NIBAN1: variants seen among roughly 807,000 people sequenced by gnomAD.
NIBAN1 encodes the protein niban apoptosis regulator 1.
Under a neutral mutation model 75.1 loss-of-function variants are expected in NIBAN1, and 81 were observed. The observed-to-expected ratio is 1.08, with a 90% CI of 0.90 to 1.30. The LOEUF (loss-of-function observed/expected upper bound fraction) is 1.30. Among genes scored for constraint, NIBAN1 ranks in the 50% most tolerant of loss-of-function variants. The pLI, the probability that NIBAN1 is intolerant of heterozygous loss-of-function variation, is 0.00. For missense variants in NIBAN1, 1,133 were observed against 1,128.1 expected (o/e 1.00, Z -0.06); for synonymous variants, 436 against 424.8 (o/e 1.03, Z -0.32).
chr1:184,840,444 G>T (rs1307315445), intron 5 of NIBAN1, among the ~76,000 whole-genome samples: 1 of 152,122 alleles, frequency 6.6e-6, no homozygotes, highest in Non-Finnish European at 1.5e-5. Context: ...CTAGTTGAAA[G>T]TATAAAAATA....
chr1:184,851,777 C>T (rs898899277), intron 5 of NIBAN1, among the ~76,000 whole-genome samples: 3 of 151,256 alleles, frequency 2.0e-5, no homozygotes, highest in Non-Finnish European at 4.4e-5. Flanking sequence ...GTACTTGTGG[C>T]TCAAAGTTTA....
At chr1:184,894,891 AT>A (rs1440998119) in intron 2 of NIBAN1, among the ~76,000 whole-genome samples, 4 of 152,182 alleles carry the variant, frequency 2.6e-5, no homozygotes, top group African/African-American at 9.6e-5. Flanking sequence ...TACATCTTCC[AT>A]TGGATTAACT....
At chr1:184,803,003 T>A (rs1654086551) in intron 12 of NIBAN1, among the ~76,000 whole-genome samples, 1 of 152,204 alleles carries the variant, frequency 6.6e-6, no homozygotes, top group Non-Finnish European at 1.5e-5. Context: ...GCTGGCCCAT[T>A]GCTCTGCTCT....
chr1:184,937,076 G>A (rs1657980731), intron 1 of NIBAN1, among the ~76,000 whole-genome samples: 1 of 150,706 alleles, frequency 6.6e-6, no homozygotes, highest in African/African-American at 2.4e-5. Context: ...TTCATCCAAG[G>A]AAGCAATAAA....
At chr1:184,823,111 G>T in intron 8 of NIBAN1, 56 bp downstream of exon 8, 5 of 1,565,320 alleles carry the variant, frequency 3.2e-6, no homozygotes, top group South Asian at 2.3e-5. Flanking sequence ...CTATGTGGTG[G>T]ATCCCTGCAT....
At chr1:184,965,927 A>G (rs1658774059) in intron 1 of NIBAN1, among the ~76,000 whole-genome samples, 1 of 152,234 alleles carries the variant, frequency 6.6e-6, no homozygotes, top group Admixed American at 6.5e-5. Context: ...CAGACTGTGA[A>G]AAACTCTGCA....
chr1:184,870,063 C>T (rs1656062254), intron 5 of NIBAN1, among the ~76,000 whole-genome samples: 1 of 152,210 alleles, frequency 6.6e-6, no homozygotes, highest in Admixed American at 6.5e-5. Context: ...CTCCTTTCCT[C>T]AGAGATTCTA....
At chr1:184,901,189 A>G (rs1287729827) in intron 1 of NIBAN1, among the ~76,000 whole-genome samples, 5 of 152,176 alleles carry the variant, frequency 3.3e-5, no homozygotes, top group Admixed American at 3.3e-4. Flanking sequence ...GTAAAGAGGA[A>G]TTCTTTCATA....
At chr1:184,805,803 G>A (rs1033991068) in intron 11 of NIBAN1, 143 bp downstream of exon 11, 46 of 649,502 alleles carry the variant, frequency 7.1e-5, no homozygotes, top group African/African-American at 2.2e-4. Context: ...AAACTGCAGC[G>A]GACTGACAGT....
At chr1:184,880,923 G>A (rs760722450) in intron 5 of NIBAN1, among the ~76,000 whole-genome samples, 20 of 152,164 alleles carry the variant, frequency 1.3e-4, no homozygotes, top group Non-Finnish European at 2.1e-4. Flanking sequence ...AAGGGACAGA[G>A]GACAGCAGCT....
chr1:184,957,112 A>G (rs1010630689), intron 1 of NIBAN1, among the ~76,000 whole-genome samples: 1 of 152,248 alleles, frequency 6.6e-6, no homozygotes, highest in Non-Finnish European at 1.5e-5. Flanking sequence ...TCAAGCTATC[A>G]ATGTGATATC....
chr1:184,913,154 T>TGATATATATATATATATATTA (rs1553227228), intron 1 of NIBAN1, among the ~76,000 whole-genome samples: 3 of 146,668 alleles, frequency 2.0e-5, no homozygotes, highest in South Asian at 2.2e-4. Flanking sequence ...TATATATATA[T>TGATATATATATATATATATTA]TATATATATA....
chr1:184,867,246 A>T (rs532255287), intron 5 of NIBAN1, among the ~76,000 whole-genome samples: 31 of 152,090 alleles, frequency 2.0e-4, no homozygotes, highest in African/African-American at 7.2e-4. Flanking sequence ...TATTGCATTC[A>T]CTTAACGAAT....
chr1:184,839,447 C>T (rs538337), intron 5 of NIBAN1, among the ~76,000 whole-genome samples: 3,147 of 152,134 alleles, frequency 0.021, 40 homozygotes, highest in African/African-American at 0.042. Flanking sequence ...CAAAAGGGAG[C>T]ATCTTGCAAC....
chr1:184,967,206 T>A (rs1199871167), intron 1 of NIBAN1, among the ~76,000 whole-genome samples: 5 of 150,244 alleles, frequency 3.3e-5, no homozygotes, highest in African/African-American at 4.9e-5. Context: ...TTTCCCTCCC[T>A]CTCTCTCTCT....
chr1:184,795,509 G>T lies in NIBAN1; in HGVS notation c.2255C>A (p.Pro752His). 1 of 1,613,656 alleles carries T rather than the reference G, an allele frequency of 6.2e-7. No individual in the cohort carries two copies. The highest frequency in any genetic ancestry group is 8.5e-7 in the Non-Finnish European group (1 of 1,179,924). Reference protein sequence around the residue: ...QENEEEEEKEPSQAAAIHPDN... With the variant: ...QENEEEEEKEHSQAAAIHPDN... ...GGGGTGGATGGCAGCTGCCTGACTG[G>T]GCTCTTTTTCCTCTTCTTCTTCATT... is the stretch of plus-strand genomic sequence containing the variant. The change falls in exon 14 of 14, where the codon CCC becomes CAC. Residue 752 changes from proline (P) to histidine (H), a missense_variant. Coordinates refer to ENST00000367511, the MANE Select transcript of NIBAN1 (RefSeq NM_052966.4).
intron 1 of NIBAN1, among the ~76,000 whole-genome samples, chr1:184,945,303 G>A (rs1361103131): frequency 6.6e-6 from 1 of 152,082 alleles, no homozygotes; most frequent in African/African-American, 2.4e-5. Context: ...GAGAGAACAT[G>A]GCAGAAACCC....
At chr1:184,937,223 T>C (rs1242797811) in intron 1 of NIBAN1, among the ~76,000 whole-genome samples, 1 of 145,596 alleles carries the variant, frequency 6.9e-6, no homozygotes, top group Non-Finnish European at 1.5e-5. Context: ...TATTCATAGA[T>C]GCAATCACAG....
chr1:184,932,429 A>G (rs1429902679), intron 1 of NIBAN1, among the ~76,000 whole-genome samples: 1 of 152,232 alleles, frequency 6.6e-6, no homozygotes, highest in Non-Finnish European at 1.5e-5. Flanking sequence ...GATCCCCTGC[A>G]TGCACAGTTC....
Sources: gnomAD v4.1 joint callset for allele counts (sites outside exome capture counted in the v4.1 genomes callset) on GRCh38, gnomAD v4.1.1 for gene constraint, MANE v1.5 for transcripts, NCBI Gene and HGNC (gene_info 2026-07-23, HGNC 2026-07-21) for gene names.